SLC24A2: variants seen among roughly 807,000 people sequenced by gnomAD.
SLC24A2 encodes solute carrier family 24 member 2, also known as sodium/potassium/calcium exchanger 2.
SLC24A2 carries 36 observed loss-of-function variants against 62.0 expected under a neutral mutation model. The ratio of observed to expected loss-of-function variants is 0.58; its 90% CI spans 0.44 to 0.77. The LOEUF (loss-of-function observed/expected upper bound fraction) is 0.77, where lower values mean the gene tolerates loss of function less well. Among genes scored for constraint, SLC24A2 ranks in the 30% least tolerant of loss-of-function variants. The probability of loss-of-function intolerance (pLI) is 0.00; values close to 1 mark genes in which losing one functional copy is unlikely to be tolerated. For synonymous variants in SLC24A2, 358 were observed against 294.0 expected (o/e 1.22, Z -2.23); for missense variants, 846 against 817.9 (o/e 1.03, Z -0.42).
At chr9:20,178,163 T>C in the SLC24A2 span, among the ~76,000 whole-genome samples, 8 of 152,182 alleles carry the variant, frequency 5.3e-5, no homozygotes, top group Non-Finnish European at 1.2e-4. Flanking sequence ...TCTGAACTGT[T>C]CAGAGTGAAA....
chr9:19,884,694 T>C, the SLC24A2 span, among the ~76,000 whole-genome samples: 1 of 152,178 alleles, frequency 6.6e-6, no homozygotes, highest in African/African-American at 2.4e-5. Flanking sequence ...GTAAAAACCA[T>C]GTTTTGAGTA....
chr9:19,923,684 A>C, the SLC24A2 span, among the ~76,000 whole-genome samples: 1 of 152,246 alleles, frequency 6.6e-6, no homozygotes, highest in Non-Finnish European at 1.5e-5. Context: ...CCTTTGGAGA[A>C]TGTGATCTGC....
the SLC24A2 span, among the ~76,000 whole-genome samples, chr9:19,960,064 C>A: frequency 3.3e-5 from 5 of 152,072 alleles, no homozygotes; most frequent in Admixed American, 3.3e-4. Context: ...AAAGTGTGTC[C>A]GTTGAGGATA....
chr9:20,108,247 A>G, the SLC24A2 span, among the ~76,000 whole-genome samples: 11 of 152,172 alleles, frequency 7.2e-5, no homozygotes, highest in East Asian at 5.8e-4. Flanking sequence ...TACACCGTTG[A>G]TGGGACTGTA....
chr9:19,685,656 A>C (rs1178481714), intron 2 of SLC24A2, among the ~76,000 whole-genome samples: 1 of 152,116 alleles, frequency 6.6e-6, no homozygotes, highest in Non-Finnish European at 1.5e-5. Context: ...GTCAACAAAA[A>C]ACAAGCAATG....
At chr9:20,185,360 T>G in the SLC24A2 span, among the ~76,000 whole-genome samples, 1 of 151,854 alleles carries the variant, frequency 6.6e-6, no homozygotes, top group Non-Finnish European at 1.5e-5. Context: ...TTAATATAAA[T>G]AAATTTTAAA....
chr9:19,781,622 T>C (rs1191566960), intron 2 of SLC24A2, among the ~76,000 whole-genome samples: 1 of 152,170 alleles, frequency 6.6e-6, no homozygotes, highest in African/African-American at 2.4e-5. Context: ...AAGGAAAATA[T>C]CACCATGCTG....
At chr9:19,744,155 C>G (rs142319621) in intron 2 of SLC24A2, among the ~76,000 whole-genome samples, 1 of 152,238 alleles carries the variant, frequency 6.6e-6, no homozygotes, top group Non-Finnish European at 1.5e-5. Context: ...GGACCTATGC[C>G]CTCCTCTCTT....
At chr9:20,269,353 C>A in the SLC24A2 span, among the ~76,000 whole-genome samples, 1 of 152,126 alleles carries the variant, frequency 6.6e-6, no homozygotes, top group African/African-American at 2.4e-5. Flanking sequence ...TCAGGAATAT[C>A]CCTACTATAC....
chr9:19,990,630 CAAAA>C, the SLC24A2 span, among the ~76,000 whole-genome samples: 1 of 116,534 alleles, frequency 8.6e-6, no homozygotes, highest in Non-Finnish European at 1.8e-5. Context: ...AAAAAAAAAA[CAAAA>C]CAAAAAAAAA....
the SLC24A2 span, among the ~76,000 whole-genome samples, chr9:20,117,548 C>A: frequency 6.6e-6 from 1 of 152,056 alleles, no homozygotes; most frequent in Non-Finnish European, 1.5e-5. Flanking sequence ...AATATAAATG[C>A]TTTTAAAAGT....
intron 8 of SLC24A2, among the ~76,000 whole-genome samples, chr9:19,545,820 A>C (rs977908704): frequency 2.0e-5 from 3 of 151,658 alleles, no homozygotes; most frequent in African/African-American, 4.8e-5. Flanking sequence ...TTGTGTTTTT[A>C]CTAGAGACGG....
chr9:19,764,890 G>C (rs1010216232), intron 2 of SLC24A2, among the ~76,000 whole-genome samples: 2 of 152,108 alleles, frequency 1.3e-5, no homozygotes, highest in Non-Finnish European at 2.9e-5. Flanking sequence ...TATTGACAGT[G>C]GGGTGTTAAA....
At chr9:20,076,550 C>T in the SLC24A2 span, among the ~76,000 whole-genome samples, 15 of 152,034 alleles carry the variant, frequency 9.9e-5, no homozygotes, top group Admixed American at 7.2e-4. Context: ...GACTCTCCTT[C>T]GGGATTCAGA....
the SLC24A2 span, among the ~76,000 whole-genome samples, chr9:20,279,703 T>G: frequency 6.6e-6 from 1 of 152,318 alleles, no homozygotes; most frequent in South Asian, 2.1e-4. Context: ...TCTTACTGTC[T>G]TGTGTAAAGC....
chr9:20,272,831 G>A, the SLC24A2 span, among the ~76,000 whole-genome samples: 1 of 152,166 alleles, frequency 6.6e-6, no homozygotes, highest in Non-Finnish European at 1.5e-5. Flanking sequence ...CACTGAGAAT[G>A]CATGGGAAGC....
chr9:19,922,225 T>C, the SLC24A2 span, among the ~76,000 whole-genome samples: 1 of 152,192 alleles, frequency 6.6e-6, no homozygotes, highest in African/African-American at 2.4e-5. Context: ...TCTTCCTAAG[T>C]ATGAAATAGC....
At chr9:19,682,947 A>T (rs1211834530) in intron 2 of SLC24A2, among the ~76,000 whole-genome samples, 1 of 152,140 alleles carries the variant, frequency 6.6e-6, no homozygotes, top group Non-Finnish European at 1.5e-5. Context: ...AAAAAACAAA[A>T]CAAAACTGAA....
chr9:19,829,284 A>G, the SLC24A2 span, among the ~76,000 whole-genome samples: 3 of 152,182 alleles, frequency 2.0e-5, no homozygotes. Flanking sequence ...GAAGGGGCAC[A>G]GAGAGCAGTT....
Sources: allele counts gnomAD v4.1 joint callset (sites outside exome capture counted in the v4.1 genomes callset), GRCh38; gene constraint gnomAD v4.1.1; transcripts MANE v1.5; gene names NCBI Gene and HGNC (gene_info 2026-07-23, HGNC 2026-07-21).